PRDM11: variants seen among roughly 807,000 people sequenced by gnomAD.
PRDM11 encodes PR domain-containing protein 11.
In PRDM11, 20 loss-of-function variants were observed where a neutral mutation model predicts 97.8. That is an observed-to-expected ratio of 0.20 (90% CI 0.14 to 0.30). The LOEUF (loss-of-function observed/expected upper bound fraction) is 0.30. Ranked by LOEUF, PRDM11 falls within the 10% of genes least tolerant of loss-of-function variation. PRDM11 has a pLI of 1.00. For missense variants in PRDM11, 1,139 were observed against 1,555.2 expected (o/e 0.73, Z 4.50); for synonymous variants, 599 against 637.7 (o/e 0.94, Z 0.91).
chr11:45,193,783 C>A (rs991762318), intron 4 of PRDM11, among the ~76,000 whole-genome samples: 3 of 152,166 alleles, frequency 2.0e-5, no homozygotes, highest in Non-Finnish European at 4.4e-5. Flanking sequence ...GGTCAGCTGC[C>A]GTTCCTCATT....
chr11:45,138,263 G>A (rs1030748011), intron 1 of PRDM11, among the ~76,000 whole-genome samples: 12 of 152,098 alleles, frequency 7.9e-5, no homozygotes, highest in Admixed American at 6.5e-4. Flanking sequence ...AAACATTGCA[G>A]TCATTCAAAA....
chr11:45,109,921 A>G (rs1415081095), intron 1 of PRDM11, among the ~76,000 whole-genome samples: 1 of 152,114 alleles, frequency 6.6e-6, no homozygotes, highest in African/African-American at 2.4e-5. Context: ...AGGGTTGCTC[A>G]CAGTCACCAC....
chr11:45,212,958 C>A (rs997764799), intron 5 of PRDM11: 5 of 393,784 alleles, frequency 1.3e-5, no homozygotes, highest in South Asian at 5.6e-5. Flanking sequence ...CAGGCCCAAG[C>A]CCCCCTGCCA....
intron 1 of PRDM11, among the ~76,000 whole-genome samples, chr11:45,169,826 G>A (rs1037214051): frequency 1.3e-5 from 2 of 152,178 alleles, no homozygotes; most frequent in African/African-American, 2.4e-5. Context: ...CTCCCATGAC[G>A]TGTTCTCTTC....
intron 1 of PRDM11, among the ~76,000 whole-genome samples, chr11:45,162,072 T>C (rs1851944190): frequency 1.3e-5 from 2 of 152,210 alleles, no homozygotes; most frequent in South Asian, 2.1e-4. Context: ...TGTGTGTTCA[T>C]TGAGCACAGA....
At chr11:45,110,130 G>A (rs904567753) in intron 1 of PRDM11, among the ~76,000 whole-genome samples, 2 of 152,210 alleles carry the variant, frequency 1.3e-5, no homozygotes, top group African/African-American at 4.8e-5. Context: ...AAACACCCCT[G>A]GGAGGGACAG....
At chr11:45,153,723 T>G (rs1851719045) in intron 1 of PRDM11, among the ~76,000 whole-genome samples, 1 of 152,224 alleles carries the variant, frequency 6.6e-6, no homozygotes, top group South Asian at 2.1e-4. Context: ...GTAAATGGAC[T>G]CAGTAATATC....
chr11:45,157,316 C>A (rs921394859), intron 1 of PRDM11, among the ~76,000 whole-genome samples: 9 of 152,130 alleles, frequency 5.9e-5, no homozygotes, highest in African/African-American at 2.2e-4. Context: ...GGCATTCGTT[C>A]AATTCTCAAA....
chr11:45,157,233 G>A (rs549806153), intron 1 of PRDM11, among the ~76,000 whole-genome samples: 1 of 152,140 alleles, frequency 6.6e-6, no homozygotes, highest in African/African-American at 2.4e-5. Context: ...TTCCATGGAC[G>A]GGGTCGGGGA....
chr11:45,104,954 G>A (rs1000540018), intron 1 of PRDM11, among the ~76,000 whole-genome samples: 3 of 152,184 alleles, frequency 2.0e-5, no homozygotes, highest in African/African-American at 4.8e-5. Context: ...TTCCCATCAC[G>A]GGGCCAGTGG....
At chr11:45,114,794 G>A (rs573954887) in intron 1 of PRDM11, among the ~76,000 whole-genome samples, 25 of 151,922 alleles carry the variant, frequency 1.6e-4, no homozygotes, top group South Asian at 1.0e-3. Context: ...AGAACATAAT[G>A]AAATACCATC....
At chr11:45,115,194 C>G (rs906664765) in intron 1 of PRDM11, among the ~76,000 whole-genome samples, 4 of 151,486 alleles carry the variant, frequency 2.6e-5, no homozygotes, top group African/African-American at 7.3e-5. Flanking sequence ...AAAATTAACA[C>G]AAAGCAAAGG....
chr11:45,137,010 A>T (rs890948155), intron 1 of PRDM11, among the ~76,000 whole-genome samples: 3 of 151,654 alleles, frequency 2.0e-5, no homozygotes, highest in Admixed American at 2.0e-4. Context: ...AAAAAGAAAA[A>T]AAATTAGCTG....
At chr11:45,163,873 G>C (rs1851993319) in intron 1 of PRDM11, among the ~76,000 whole-genome samples, 1 of 152,206 alleles carries the variant, frequency 6.6e-6, no homozygotes, top group African/African-American at 2.4e-5. Context: ...TCTGGTGTTG[G>C]ATGGTCCTGA....
At chr11:45,199,799 G>A (rs1039484842) in intron 4 of PRDM11, among the ~76,000 whole-genome samples, 1 of 152,150 alleles carries the variant, frequency 6.6e-6, no homozygotes, top group Non-Finnish European at 1.5e-5. Flanking sequence ...ATGTAACGTG[G>A]TCCACAGGCC....
intron 1 of PRDM11, among the ~76,000 whole-genome samples, chr11:45,134,372 G>A (rs1198821871): frequency 1.3e-5 from 2 of 152,068 alleles, no homozygotes; most frequent in African/African-American, 2.4e-5. Context: ...GTATAAACTT[G>A]AGTTCAAAAC....
intron 1 of PRDM11, among the ~76,000 whole-genome samples, chr11:45,174,374 A>G (rs1381609060): frequency 6.6e-6 from 1 of 152,222 alleles, no homozygotes; most frequent in Non-Finnish European, 1.5e-5. Context: ...TCTGCTTATC[A>G]TGCACCCTGT....
chr11:45,225,728 C>T (rs368473873), intron 7 of PRDM11, among the ~76,000 whole-genome samples: 2 of 152,118 alleles, frequency 1.3e-5, no homozygotes, highest in African/African-American at 4.8e-5. Context: ...CCTCAAACAC[C>T]CACACATGGA....
At chr11:45,225,921 G>T (rs575026191) in intron 7 of PRDM11, 74 bp from the exon 8 acceptor site, 1 of 1,429,082 alleles carries the variant, frequency 7.0e-7, no homozygotes, top group African/African-American at 1.4e-5. Context: ...CCTTCCAGGA[G>T]TGTTTCCTGT....
Sources: allele counts gnomAD v4.1 joint callset (sites outside exome capture counted in the v4.1 genomes callset), GRCh38; gene constraint gnomAD v4.1.1; transcripts MANE v1.5; gene names NCBI Gene and HGNC (gene_info 2026-07-23, HGNC 2026-07-21).